The following XRCC5 variants were observed in gnomAD, a reference collection of about 807,000 sequenced individuals.
XRCC5 encodes the protein DNA repair protein Ku80.
In XRCC5, 12 loss-of-function variants were observed where a neutral mutation model predicts 95.7. That is an observed-to-expected ratio of 0.13 (90% CI 0.08 to 0.20). The LOEUF is 0.20. Ranked by LOEUF, XRCC5 falls within the 10% of genes least tolerant of loss-of-function variation. The probability of loss-of-function intolerance (pLI) is 1.00; values close to 1 mark genes in which losing one functional copy is unlikely to be tolerated. For synonymous variants in XRCC5, 281 were observed against 290.3 expected, an observed-to-expected ratio of 0.97 and a Z score of 0.33; for missense variants, 595 against 873.9, an observed-to-expected ratio of 0.68 and a Z score of 4.02.
chr2:216,140,052 T>C (rs546297596), intron 12 of XRCC5, among the ~76,000 whole-genome samples: 1 of 152,244 alleles, frequency 6.6e-6, no homozygotes, highest in African/African-American at 2.4e-5. Context: ...TGAAAATCAC[T>C]GAATGTTCAC....
Position 216,157,228 on chromosome 2 carries a change from G to GT in XRCC5, c.1671-2830dup, listed in dbSNP as rs11311196. Among the ~76,000 whole-genome samples, 216 of 130,036 alleles carry GT rather than the reference G, an allele frequency of 1.7e-3. 1 individual carries two copies. The East Asian group carries it at 0.018, about 11-fold the overall frequency. 85.3% of individuals were successfully genotyped at this position (130,036 alleles called of 152,430 possible). ...AATACAACTATTTTCTTTTTTTTTTGTTTTTTTTTTGTTGTTGTTTTTTGA... is the reference window on the plus strand; with the variant it reads ...AATACAACTATTTTCTTTTTTTTTTGTTTTTTTTTTTGTTGTTGTTTTTTGA... On this transcript the variant is annotated intron_variant, in intron 14 of 20. Transcript: ENST00000392132.
chr2:216,127,442 T>C lies in XRCC5; in HGVS notation c.799-94T>C, dbSNP rs1256586007. ...ATGGAGCTAGAGTAATTGTTCTGGA[T>C]TTTTGTCTGTGCCAGAGAGTGTATT... On this transcript the variant is annotated intron_variant, in intron 7 of 20. Transcript: ENST00000392132. 2.9e-6 allele frequency: 4 copies of C among 1,388,862 alleles called. No homozygotes were observed. In the East Asian group the frequency reaches 7.3e-5, roughly 25 times the overall value. The allele number at this position is 1,388,862 out of a possible 1,614,324, so 86.0% of individuals were successfully genotyped here.
chr2:216,134,052 G>A (rs1303053699), intron 10 of XRCC5, among the ~76,000 whole-genome samples: 6 of 152,164 alleles, frequency 3.9e-5, no homozygotes, highest in African/African-American at 1.4e-4. Context: ...TTGTCAACAA[G>A]GATTACTGTC....
intron 7 of XRCC5, 26 bp downstream of exon 7, chr2:216,126,057 C>G: frequency 6.4e-7 from 1 of 1,552,716 alleles, no homozygotes; most frequent in Non-Finnish European, 8.9e-7. Context: ...ACATTTTTAA[C>G]AGAAATGTTA....
At chr2:216,191,349 A>G (rs982935679) in intron 17 of XRCC5, among the ~76,000 whole-genome samples, 10 of 152,150 alleles carry the variant, frequency 6.6e-5, no homozygotes, top group Admixed American at 1.3e-4. Context: ...AGACAAGAGA[A>G]GCAGAAGAGA....
chr2:216,178,170 A>T (rs1374854116), intron 16 of XRCC5, among the ~76,000 whole-genome samples: 1 of 152,252 alleles, frequency 6.6e-6, no homozygotes, highest in African/African-American at 2.4e-5. Context: ...CTCACTAGAA[A>T]TAGAAACAAT....
chr2:216,184,058 G>GTGTGTA (rs1185165756), intron 16 of XRCC5, among the ~76,000 whole-genome samples: 5 of 151,182 alleles, frequency 3.3e-5, no homozygotes, highest in African/African-American at 1.2e-4. Flanking sequence ...GTGTGTGTGT[G>GTGTGTA]TGTGTGTGTG....
rs755252977 is a variant in XRCC5, at chr2:216,122,176, A to G, written c.606A>G (p.Lys202=). The G allele has an allele frequency of 1.2e-6, 2 of 1,614,182 alleles. No homozygotes were observed. Among genetic ancestry groups the G allele is most frequent in the East Asian group, 4.5e-5 (2 of 44,888 alleles). The change falls in exon 6 of 21, where the codon AAA becomes AAG. Residue 202 remains lysine (K), a synonymous_variant. Transcript: ENST00000392132. ...TAAAAGGAATTACCGAACAGCAAAA[A>G]GAAGGTCTTGAGATAGTGAAAATGG... ...FPLKGITEQQ[K]EGLEIVKMVM... is the part of the protein sequence containing the mutation.
chr2:216,126,056 A>T, intron 7 of XRCC5, 25 bp downstream of exon 7: 1 of 1,557,986 alleles, frequency 6.4e-7, no homozygotes, highest in Non-Finnish European at 8.9e-7. Context: ...CACATTTTTA[A>T]CAGAAATGTT....
intron 2 of XRCC5, 101 bp from the exon 3 acceptor site, chr2:216,116,558 G>A: frequency 7.5e-7 from 1 of 1,325,204 alleles, no homozygotes; most frequent in South Asian, 1.2e-5. Flanking sequence ...CCAGGGACCT[G>A]CCATAGGGAG....
At chr2:216,197,010 G>T (rs940735756) in intron 19 of XRCC5, among the ~76,000 whole-genome samples, 3 of 152,200 alleles carry the variant, frequency 2.0e-5, no homozygotes, top group African/African-American at 7.2e-5. Context: ...GTTTTTGGAA[G>T]AAGTGAGGAG....
At chr2:216,141,544 T>TTC (rs1697170489) in intron 13 of XRCC5, among the ~76,000 whole-genome samples, 1 of 60,642 alleles carries the variant, frequency 1.6e-5, no homozygotes, top group African/African-American at 7.3e-5. Flanking sequence ...TCTTTTCTTT[T>TTC]TTTTTTTTTT....
At chr2:216,140,710 T>C (rs1401634525) in intron 12 of XRCC5, among the ~76,000 whole-genome samples, 1 of 152,232 alleles carries the variant, frequency 6.6e-6, no homozygotes, top group Non-Finnish European at 1.5e-5. Flanking sequence ...AATGGTGTCT[T>C]CCTGTTAAGG....
chr2:216,157,344 C>A (rs953808893), intron 14 of XRCC5, among the ~76,000 whole-genome samples: 9 of 152,046 alleles, frequency 5.9e-5, no homozygotes, highest in Non-Finnish European at 1.2e-4. Flanking sequence ...CGCCATTCTC[C>A]TGCCTCAGCC....
rs183944840 is a variant in XRCC5, at chr2:216,109,354, T to C, written c.-83T>C. ...AAACGAAGCGGCTCTTTCCGCTATC[T>C]GCCGCTTGTCCACCGGAAGCGAGTT... On this transcript the variant is annotated 5_prime_UTR_variant, in exon 1 of 21. Coordinates refer to ENST00000392132, the MANE Select transcript of XRCC5 (RefSeq NM_021141.4). 1 of 1,606,180 alleles carries C rather than the reference T, an allele frequency of 6.2e-7. No individual in the cohort carries two copies. The highest frequency in any genetic ancestry group is 8.5e-7 in the Non-Finnish European group (1 of 1,176,194).
Position 216,148,901 on chromosome 2 carries a change from C to G in XRCC5, c.1670+625C>G, listed in dbSNP as rs912918787. On this transcript the variant is annotated intron_variant, in intron 14 of 20. Coordinates refer to ENST00000392132, the MANE Select transcript of XRCC5 (RefSeq NM_021141.4). Reference sequence around the variant, plus strand: ...AATCTGTGTCAGCTTCCATTCAAAACAAAACAAAAATAAAACAAGAAGAAA... The same window carrying G: ...AATCTGTGTCAGCTTCCATTCAAAAGAAAACAAAAATAAAACAAGAAGAAA... Among the ~76,000 whole-genome samples the G allele has an allele frequency of 5.9e-5, 9 of 151,766 alleles. No individual in the cohort carries two copies. The East Asian group carries it at 1.7e-3, about 29-fold the overall frequency.
intron 13 of XRCC5, among the ~76,000 whole-genome samples, chr2:216,144,628 G>A (rs1423546225): frequency 2.0e-5 from 3 of 152,224 alleles, no homozygotes. Flanking sequence ...GAATGAGCAG[G>A]TGGAAAAGAT....
chr2:216,179,595 A>T (rs1689344122), intron 16 of XRCC5, among the ~76,000 whole-genome samples: 1 of 152,148 alleles, frequency 6.6e-6, no homozygotes, highest in South Asian at 2.1e-4. Flanking sequence ...GAGAGAACCT[A>T]GTGGATATCT....
At chr2:216,112,913 C>T (rs564735706) in intron 1 of XRCC5, 103 bp from the exon 2 acceptor site, 1 of 880,128 alleles carries the variant, frequency 1.1e-6, no homozygotes, top group African/African-American at 1.7e-5. Flanking sequence ...CACACCTTTC[C>T]TAAATACTGA....
Sources: allele counts gnomAD v4.1 joint callset (sites outside exome capture counted in the v4.1 genomes callset), GRCh38; gene constraint gnomAD v4.1.1; transcripts MANE v1.5; gene names NCBI Gene and HGNC (gene_info 2026-07-23, HGNC 2026-07-21).